Variants in NKIRAS1 observed in about 807,000 individuals in gnomAD.
NKIRAS1 encodes the protein NF-kappa-B inhibitor-interacting Ras-like protein 1.
A neutral mutation model predicts 19.8 loss-of-function variants in NKIRAS1; 16 were observed. The ratio of observed to expected loss-of-function variants is 0.81; its 90% CI spans 0.55 to 1.23. The LOEUF (loss-of-function observed/expected upper bound fraction) is 1.23. Among genes scored for constraint, NKIRAS1 ranks in the 50% most tolerant of loss-of-function variants. NKIRAS1 has a pLI of 0.00. For synonymous variants in NKIRAS1, 88 were observed against 79.0 expected (o/e 1.11, Z -0.61); for missense variants, 184 against 220.0 (o/e 0.84, Z 1.04).
intron 1 of NKIRAS1, among the ~76,000 whole-genome samples, chr3:23,941,972 C>T (rs140116598): frequency 4.7e-4 from 47 of 100,832 alleles, no homozygotes; most frequent in Admixed American, 1.3e-3. Flanking sequence ...TATTTATTTA[C>T]TTATTTATTT....
Position 23,890,672 on chromosome 3 carries a change from G to A in NKIRAS1, c.*2423C>T. ...AAGAGAGCTGCTTATGATTTTGAAG[G>A]GGTCAGGGAGGGTGGGAGTTGGTAA... On this transcript the variant is annotated 3_prime_UTR_variant, in exon 5 of 5. Coordinates refer to ENST00000425478, the MANE Select transcript of NKIRAS1 (RefSeq NM_020345.4). 7.4e-7 allele frequency: 1 copy of A among 1,347,064 alleles called. No homozygotes were observed. Among genetic ancestry groups the A allele is most frequent in the Non-Finnish European group, 1.0e-6 (1 of 964,820 alleles). The allele number at this position is 1,347,064 out of a possible 1,614,324, so 83.4% of individuals were successfully genotyped here.
upstream of NKIRAS1, chr3:23,920,845 A>T (rs1197022405): frequency 4.5e-6 from 4 of 884,500 alleles, no homozygotes; most frequent in Non-Finnish European, 5.4e-6. Flanking sequence ...AAACTAAAAC[A>T]AATGGACCTT....
chr3:23,917,902 C>A, upstream of NKIRAS1: 1 of 1,612,828 alleles, frequency 6.2e-7, no homozygotes, highest in Non-Finnish European at 8.5e-7. Flanking sequence ...GAGAAAGAAG[C>A]AGTCTGATGT....
chr3:23,926,231 T>C lies in NKIRAS1; in HGVS notation c.-139-14781A>G, dbSNP rs1705209234. Among the ~76,000 whole-genome samples the C allele has an allele frequency of 2.0e-5, 3 of 152,216 alleles. No homozygotes were observed. The highest frequency in any genetic ancestry group is 2.1e-4 in the South Asian group (1 of 4,816). On this transcript the variant is annotated intron_variant, in intron 1 of 4. Transcript: ENST00000421515. The surrounding 1 kb of genome is among the most constrained non-coding windows in gnomAD (Gnocchi z 4.3). The stretch of plus-strand genomic sequence containing the variant: ...CACGCCCAGCTAATTTTTGTGTTTT[T>C]AGTAGAGACAGGGTTTCGCCGTGTT...
chr3:23,946,030 GGCGCGC>G (rs561849691), intron 1 of NKIRAS1: 3 of 845,252 alleles, frequency 3.5e-6, no homozygotes, highest in East Asian at 1.2e-4. Flanking sequence ...TGGGGGCGGG[GGCGCGC>G]GCGCGCGCGC....
rs185525803 is a variant in NKIRAS1, at chr3:23,907,442, T to C, written c.94+3369A>G. On this transcript the variant is annotated intron_variant, in intron 3 of 4. Transcript: ENST00000425478. ...CTGTTGAAGGGTCAATTGTACTGTA[T>C]TTATATATGCCAGCAGCTCTCCAAC... Among the ~76,000 whole-genome samples the C allele has an allele frequency of 2.1e-3, 326 of 152,340 alleles. 1 individual carries two copies. The highest frequency in any genetic ancestry group is 4.0e-3 in the Non-Finnish European group (269 of 68,034).
At chr3:23,910,124 T>C (rs1314278228) in intron 3 of NKIRAS1, among the ~76,000 whole-genome samples, 1 of 151,564 alleles carries the variant, frequency 6.6e-6, no homozygotes, top group African/African-American at 2.4e-5. Context: ...CCCAAAGCGT[T>C]TGGATTACTG....
intron 4 of NKIRAS1, among the ~76,000 whole-genome samples, chr3:23,896,796 A>C (rs907359999): frequency 4.6e-5 from 7 of 151,724 alleles, no homozygotes; most frequent in Non-Finnish European, 7.4e-5. Flanking sequence ...CAACATAACA[A>C]CACCTGTCTC....
rs1233301297 is a variant in NKIRAS1 at position 23,890,803 on chromosome 3, T to C, written c.*2292A>G. ...TAGACAGAATTGGTAATAGCAACTT[T>C]TAAAATTGTCATTAGTTCTGCAATA... On this transcript the variant is annotated 3_prime_UTR_variant, in exon 5 of 5. Transcript: ENST00000425478. The C allele has an allele frequency of 3.6e-5, 16 of 448,892 alleles. No individual in the cohort carries two copies. The Admixed American group carries it at 5.4e-4, about 15-fold the overall frequency. 27.8% of individuals were successfully genotyped at this position (448,892 alleles called of 1,614,324 possible).
intron 3 of NKIRAS1, among the ~76,000 whole-genome samples, chr3:23,906,635 TCTTC>T (rs752029049): frequency 7.3e-5 from 11 of 150,416 alleles, no homozygotes; most frequent in East Asian, 1.9e-4. Context: ...ATATATTTTT[TCTTC>T]CTTATGATTT....
intron 4 of NKIRAS1, among the ~76,000 whole-genome samples, chr3:23,897,116 G>A (rs528151300): frequency 1.3e-5 from 2 of 152,194 alleles, no homozygotes; most frequent in Admixed American, 1.3e-4. Flanking sequence ...GGAGACTGAG[G>A]CAGGAGGTCA....
intron 4 of NKIRAS1, among the ~76,000 whole-genome samples, chr3:23,896,520 G>A (rs1195411405): frequency 3.3e-5 from 5 of 152,084 alleles, no homozygotes; most frequent in African/African-American, 4.8e-5. Flanking sequence ...GGCTGAGGCA[G>A]GAAAATCGCT....
chr3:23,920,015 T>C, upstream of NKIRAS1: 1 of 986,744 alleles, frequency 1.0e-6, no homozygotes, highest in Non-Finnish European at 1.2e-6. Flanking sequence ...TGAAAGCTCC[T>C]GGTTCAGTGC....
At chr3:23,897,348 G>A (rs1444760949) in intron 4 of NKIRAS1, among the ~76,000 whole-genome samples, 2 of 152,142 alleles carry the variant, frequency 1.3e-5, no homozygotes, top group African/African-American at 4.8e-5. Context: ...CAGGATCTTG[G>A]TGGTTGAGGA....
chr3:23,894,146 G>A (rs898689608), intron 4 of NKIRAS1, among the ~76,000 whole-genome samples: 7 of 152,206 alleles, frequency 4.6e-5, no homozygotes, highest in African/African-American at 1.4e-4. Flanking sequence ...CATTTTACAC[G>A]AATGCTTACT....
upstream of NKIRAS1, chr3:23,920,068 C>G (rs973428228): frequency 1.9e-5 from 19 of 985,812 alleles, no homozygotes; most frequent in Non-Finnish European, 2.3e-5. Context: ...ATGGTAAACA[C>G]TGGTGTGTTT....
intron 1 of NKIRAS1, among the ~76,000 whole-genome samples, chr3:23,932,386 T>A (rs1705333761): frequency 6.6e-6 from 1 of 152,310 alleles, no homozygotes. Context: ...TAATCTCGCA[T>A]AAGGACTGTT....
Position 23,926,501 on chromosome 3 carries a change from C to T in NKIRAS1, c.-139-15051G>A, listed in dbSNP as rs550434982. Among the ~76,000 whole-genome samples the T allele has an allele frequency of 2.0e-5, 3 of 151,988 alleles. No homozygotes were observed. Among genetic ancestry groups the T allele is most frequent in the South Asian group, 4.2e-4 (2 of 4,808 alleles). ...TTCTCTCCTTCTCTTTCCTCTTCCT[C>T]TTCTTCCTCTTCTTTTTTTTTGTGT... On this transcript the variant is annotated intron_variant, in intron 1 of 4. Transcript: ENST00000421515. The surrounding 1 kb of genome is among the most constrained non-coding windows in gnomAD (Gnocchi z 4.3).
At chr3:23,901,164 C>A in intron 3 of NKIRAS1, 115 bp from the exon 4 acceptor site, 69 of 1,010,472 alleles carry the variant, frequency 6.8e-5, no homozygotes, top group Non-Finnish European at 9.2e-5. Context: ...ATATAATAAT[C>A]ACATTTCTAT....
Sources: allele counts gnomAD v4.1 joint callset (sites outside exome capture counted in the v4.1 genomes callset), GRCh38; gene constraint gnomAD v4.1.1; non-coding constraint Gnocchi (gnomAD v3.1); transcripts MANE v1.5; gene names NCBI Gene and HGNC (gene_info 2026-07-23, HGNC 2026-07-21).